BBS4: variants seen among roughly 807,000 people sequenced by gnomAD.
The protein encoded by BBS4 is BBSome complex member BBS4.
Under a neutral mutation model 71.4 loss-of-function variants are expected in BBS4, and 58 were observed. That is an observed-to-expected ratio of 0.81 (90% CI 0.66 to 1.01). The LOEUF is 1.01. Ranked by LOEUF, BBS4 falls within the 50% of genes least tolerant of loss-of-function variation. The pLI, the probability that BBS4 is intolerant of heterozygous loss-of-function variation, is 0.00. For synonymous variants in BBS4, 228 were observed against 216.8 expected, an observed-to-expected ratio of 1.05 and a Z score of -0.46; for missense variants, 660 against 607.9, an observed-to-expected ratio of 1.09 and a Z score of -0.90.
chr15:72,692,298 A>T (rs1435598903), intron 1 of BBS4, among the ~76,000 whole-genome samples: 2 of 144,514 alleles, frequency 1.4e-5, no homozygotes, highest in Non-Finnish European at 3.0e-5. Flanking sequence ...GATAATTTAC[A>T]TTGCAATTTT....
In BBS4 at chr15:72,700,904, A is replaced by G. The variant is rs531539380; in HGVS notation, c.76+5676A>G. Among the ~76,000 whole-genome samples the G allele has an allele frequency of 3.6e-3, 546 of 152,292 alleles. 5 individuals carry two copies. The highest frequency in any genetic ancestry group is 0.024 in the South Asian group (118 of 4,822). On this transcript the variant is annotated intron_variant, in intron 2 of 15. Coordinates refer to ENST00000268057, the MANE Select transcript of BBS4 (RefSeq NM_033028.5). ...CCCTTTTCTGCATTAATATTGCAGAAATTAATTTTTTGGTTTTAGAAAATG... is the reference window on the plus strand; with the variant it reads ...CCCTTTTCTGCATTAATATTGCAGAGATTAATTTTTTGGTTTTAGAAAATG...
chr15:72,729,749 G>A, intron 10 of BBS4, 65 bp downstream of exon 10: 1 of 1,407,016 alleles, frequency 7.1e-7, no homozygotes, highest in South Asian at 1.2e-5. Flanking sequence ...GAGGTGATCT[G>A]ACCCTGGAAA....
chr15:72,689,197 A>C (rs35731345), intron 1 of BBS4, among the ~76,000 whole-genome samples: 6,701 of 152,256 alleles, frequency 0.044, 486 homozygotes, highest in African/African-American at 0.15. Context: ...TGGAGGAGAG[A>C]AAAGGAAAAG....
chr15:72,696,476 C>T (rs187263449), intron 2 of BBS4, among the ~76,000 whole-genome samples: 9 of 152,260 alleles, frequency 5.9e-5, no homozygotes, highest in Admixed American at 3.9e-4. Context: ...TTTAATTACT[C>T]CCCCAAAAGT....
At chr15:72,704,327 T>C in intron 2 of BBS4, 1 of 672,082 alleles carries the variant, frequency 1.5e-6, no homozygotes, top group Non-Finnish European at 2.3e-6. Context: ...GAGACTCTGC[T>C]CTGCATTTAC....
chr15:72,736,991 C>A (rs2065938958), intron 15 of BBS4, 28 bp downstream of exon 15: 2 of 1,610,424 alleles, frequency 1.2e-6, no homozygotes. Context: ...TCCATGAAGA[C>A]CTGGCAGGTA....
intron 2 of BBS4, among the ~76,000 whole-genome samples, chr15:72,696,522 C>A (rs1364541676): frequency 6.6e-6 from 1 of 152,142 alleles, no homozygotes; most frequent in Non-Finnish European, 1.5e-5. Context: ...TCTTCCATTC[C>A]CAATTGCGGG....
At chr15:72,704,369 A>G in intron 2 of BBS4, 1 of 1,058,072 alleles carries the variant, frequency 9.5e-7, no homozygotes, top group South Asian at 1.3e-5. Context: ...TCTTTCAACT[A>G]GTAATTCTCA....
At chr15:72,713,003 C>CT (rs796664457) in intron 4 of BBS4, among the ~76,000 whole-genome samples, 4 of 150,646 alleles carry the variant, frequency 2.7e-5, no homozygotes, top group African/African-American at 9.7e-5. Flanking sequence ...ATTCTATAAG[C>CT]TTTTTTCTTT....
At position 72,737,859 on chromosome 15, in the gene BBS4, T is replaced by C. The variant is rs1244471574; in HGVS notation, c.*272T>C. On this transcript the variant is annotated 3_prime_UTR_variant, in exon 16 of 16. Coordinates refer to ENST00000268057, the MANE Select transcript of BBS4 (RefSeq NM_033028.5). ...GCAGCAAGGCTTGAGGCCTTATGTA[T>C]GTAGCTGAGTCAGCAAGGTACATGA... 2.3e-5 allele frequency: 11 copies of C among 488,222 alleles called. No homozygotes were observed. The highest frequency in any genetic ancestry group is 4.4e-5 in the Non-Finnish European group (11 of 249,236). 30.2% of individuals were successfully genotyped at this position (488,222 alleles called of 1,614,324 possible). A position where few individuals can be genotyped will look rare whatever the true frequency, so the allele number is the denominator to read the frequency against.
intron 5 of BBS4, 91 bp downstream of exon 5, chr15:72,715,493 C>T: frequency 1.2e-6 from 1 of 855,544 alleles, no homozygotes; most frequent in Non-Finnish European, 2.0e-6. Context: ...GCAGCTGCAT[C>T]AGCCTGATAC....
intron 3 of BBS4, among the ~76,000 whole-genome samples, chr15:72,710,204 T>C (rs1157505041): frequency 5.0e-5 from 7 of 140,750 alleles, no homozygotes; most frequent in Non-Finnish European, 3.1e-5. Flanking sequence ...AGTTTTTTTT[T>C]TTTTTTTTTT....
At chr15:72,732,749 G>A (rs1289451009) in intron 12 of BBS4, among the ~76,000 whole-genome samples, 5 of 152,246 alleles carry the variant, frequency 3.3e-5, no homozygotes, top group Non-Finnish European at 7.3e-5. Context: ...ATGCTACACC[G>A]TGCAGGGCCA....
Position 72,686,261 on chromosome 15 carries a change from G to A in BBS4, c.24+10G>A, listed in dbSNP as rs1175149308. 1 of 1,564,830 alleles carries A rather than the reference G, an allele frequency of 6.4e-7. No homozygotes were observed. ...GGAGAGAGTCGCGACGGTGAGCGCC[G>A]AGATTCTCTTTAGTTGCCCGGCCGC... On this transcript the variant is annotated intron_variant, in intron 1 of 15. Transcript: ENST00000268057.
intron 2 of BBS4, among the ~76,000 whole-genome samples, chr15:72,704,762 C>G (rs879812913): frequency 3.9e-5 from 6 of 152,070 alleles, no homozygotes; most frequent in Non-Finnish European, 8.8e-5. Flanking sequence ...TGCCTGTAAT[C>G]CCAGCTACTC....
intron 3 of BBS4, 39 bp downstream of exon 3, chr15:72,709,818 T>C: frequency 6.4e-7 from 1 of 1,559,274 alleles, no homozygotes; most frequent in Non-Finnish European, 8.8e-7. Flanking sequence ...AGAGGCAGGA[T>C]GTTGGGTAGG....
intron 12 of BBS4, among the ~76,000 whole-genome samples, chr15:72,732,440 T>C (rs1456559018): frequency 6.6e-6 from 1 of 152,204 alleles, no homozygotes; most frequent in Non-Finnish European, 1.5e-5. Context: ...TACTGACTAG[T>C]CTTTCTAGGA....
intron 8 of BBS4, among the ~76,000 whole-genome samples, chr15:72,725,600 AAAAC>A (rs1007080364): frequency 6.7e-6 from 1 of 150,326 alleles, no homozygotes; most frequent in African/African-American, 2.5e-5. Flanking sequence ...GATTCAGTAA[AAAAC>A]AAAACAAAAC....
intron 6 of BBS4, 82 bp downstream of exon 6, chr15:72,716,932 T>A (rs1342810640): frequency 7.1e-6 from 7 of 986,646 alleles, no homozygotes; most frequent in Non-Finnish European, 1.1e-5. Flanking sequence ...TATTTCTGAA[T>A]TCTTACATTC....
Sources: gnomAD v4.1 joint callset for allele counts (sites outside exome capture counted in the v4.1 genomes callset) on GRCh38, gnomAD v4.1.1 for gene constraint, MANE v1.5 for transcripts, NCBI Gene and HGNC (gene_info 2026-07-23, HGNC 2026-07-21) for gene names.